NLRC5: variants seen among roughly 807,000 people sequenced by gnomAD.
NLRC5 encodes the protein NLR family CARD domain containing 5.
Under a neutral mutation model 206.9 loss-of-function variants are expected in NLRC5, and 114 were observed. The observed-to-expected ratio is 0.55, with a 90% CI of 0.47 to 0.64. The LOEUF (loss-of-function observed/expected upper bound fraction) is 0.64, where lower values mean the gene tolerates loss of function less well. Ranked by LOEUF, NLRC5 falls within the 30% of genes least tolerant of loss-of-function variation. The pLI, the probability that NLRC5 is intolerant of heterozygous loss-of-function variation, is 0.00. For synonymous variants in NLRC5, 952 were observed against 962.8 expected (o/e 0.99, Z 0.21); for missense variants, 2,008 against 2,305.5 (o/e 0.87, Z 2.64).
At chr16:57,035,987 G>T (rs1353567389) in intron 13 of NLRC5, 113 bp from the exon 14 acceptor site, 3 of 958,008 alleles carry the variant, frequency 3.1e-6, no homozygotes, top group Non-Finnish European at 4.9e-6. Flanking sequence ...TTATTATCAA[G>T]GTTCATTCCT....
At chr16:56,992,178 C>T (rs1196589694) in intron 1 of NLRC5, 1 of 152,148 alleles carries the variant, frequency 6.6e-6, no homozygotes, top group Non-Finnish European at 1.5e-5. Flanking sequence ...GGAGCCCGGC[C>T]CTGACCACAC....
chr16:57,008,177 C>T (rs1195931009), intron 1 of NLRC5, among the ~76,000 whole-genome samples: 1 of 151,830 alleles, frequency 6.6e-6, no homozygotes, highest in Non-Finnish European at 1.5e-5. Flanking sequence ...TATTTGAGTC[C>T]AGGAGTTCAA....
At chr16:57,001,296 G>T (rs368774149) in intron 1 of NLRC5, among the ~76,000 whole-genome samples, 1 of 152,182 alleles carries the variant, frequency 6.6e-6, no homozygotes, top group Non-Finnish European at 1.5e-5. Context: ...CATGACTGGG[G>T]TGCCTGGCTA....
intron 15 of NLRC5, among the ~76,000 whole-genome samples, chr16:57,037,881 G>A (rs934514328): frequency 6.6e-6 from 1 of 152,060 alleles, no homozygotes; most frequent in Non-Finnish European, 1.5e-5. Context: ...AACCCAGTAG[G>A]GTGGTCCCTG....
intron 36 of NLRC5, 59 bp from the exon 37 acceptor site, chr16:57,069,777 A>C: frequency 1.4e-6 from 2 of 1,411,390 alleles, no homozygotes; most frequent in South Asian, 1.2e-5. Flanking sequence ...ACCAGCATTC[A>C]GAGCTCCCAA....
chr16:57,006,413 C>CTTTTTTT (rs58713490), intron 1 of NLRC5, among the ~76,000 whole-genome samples: 1,887 of 90,640 alleles, frequency 0.021, 140 homozygotes, highest in Non-Finnish European at 0.024. Flanking sequence ...TCTTCATCCT[C>CTTTTTTT]TTTTTTTTTT....
Position 57,039,410 on chromosome 16 carries a change from T to G in NLRC5, c.2802-371T>G, listed in dbSNP as rs144219724. On this transcript the variant is annotated intron_variant, in intron 15 of 48. Coordinates refer to ENST00000688547, the MANE Select transcript of NLRC5 (RefSeq NM_001384950.1). ...AGGCAGGGGGATGGAACTTGAGAGG[T>G]CCTCCCGGGCCAGGGGTAAAAAGTG... Among the ~76,000 whole-genome samples the G allele has an allele frequency of 3.9e-3, 588 of 151,914 alleles. 11 individuals carry two copies. Among genetic ancestry groups the G allele is most frequent in the Admixed American group, 0.036 (551 of 15,266 alleles).
chr16:57,078,719 C>T (rs762552964), intron 43 of NLRC5, among the ~76,000 whole-genome samples: 1 of 152,126 alleles, frequency 6.6e-6, no homozygotes, highest in Non-Finnish European at 1.5e-5. Context: ...GATCCACCCA[C>T]CTCAGCCTCC....
At chr16:57,046,506 C>T (rs770365118) in intron 21 of NLRC5, 46 bp from the exon 22 acceptor site, 31 of 1,541,044 alleles carry the variant, frequency 2.0e-5, no homozygotes, top group Middle Eastern at 1.7e-4. Flanking sequence ...GCTGGGAGTC[C>T]GAGGGGGTGA....
chr16:57,059,475 C>G lies in NLRC5; in HGVS notation c.3929C>G (p.Ser1310Cys), dbSNP rs1269066231. The change falls in exon 30 of 49, where the codon TCT becomes TGT. Residue 1310 changes from serine to cysteine, a missense_variant. Physicochemically the swap from Ser to Cys is moderately radical, Grantham distance 112 (BLOSUM62 -1). Transcript: ENST00000688547. ...RVREASVNLG[S>C]EQSFRIHFSR... ...GGCCCTTCTCTCTGCAGCCTGGGCTCTGAGCAGAGCTTCCGGATTCACTTC... is the reference window on the plus strand; with the variant it reads ...GGCCCTTCTCTCTGCAGCCTGGGCTGTGAGCAGAGCTTCCGGATTCACTTC... 1 of 1,609,576 alleles carries G rather than the reference C, an allele frequency of 6.2e-7. No homozygotes were observed. Among genetic ancestry groups the G allele is most frequent in the Admixed American group, 1.7e-5 (1 of 59,438 alleles).
intron 37 of NLRC5, 88 bp from the exon 38 acceptor site, chr16:57,070,447 C>A: frequency 8.5e-7 from 1 of 1,175,244 alleles, no homozygotes; most frequent in Non-Finnish European, 1.3e-6. Flanking sequence ...TCCCAGGGGA[C>A]AGAGCAGGAG....
At chr16:57,033,209 A>G (rs2062083257) in intron 11 of NLRC5, among the ~76,000 whole-genome samples, 1 of 152,220 alleles carries the variant, frequency 6.6e-6, no homozygotes, top group South Asian at 2.1e-4. Context: ...CATCATCGAC[A>G]ATAGCAGCTT....
intron 1 of NLRC5, among the ~76,000 whole-genome samples, chr16:57,001,551 G>A (rs576309095): frequency 1.4e-4 from 22 of 152,276 alleles, no homozygotes; most frequent in Middle Eastern, 3.4e-3. Context: ...CGATAGCAAC[G>A]ACAACCACAC....
At position 57,025,698 on chromosome 16, in the gene NLRC5, G is replaced by A; in HGVS notation, c.755G>A (p.Cys252Tyr). The change falls in exon 6 of 49, where the codon TGT becomes TAT. Residue 252 changes from cysteine (C) to tyrosine (Y), a missense_variant. Coordinates refer to ENST00000688547, the MANE Select transcript of NLRC5 (RefSeq NM_001384950.1). ...CQKWAEGHLN[C>Y]FQALFLFEFR... ...AAGTGGGCAGAGGGCCATCTGAACT[G>A]TTTCCAGGCCCTGTTCCTTTTTGAA... 3 of 1,614,218 alleles carry A rather than the reference G, an allele frequency of 1.9e-6. No homozygotes were observed. Among genetic ancestry groups the A allele is most frequent in the South Asian group, 2.2e-5 (2 of 91,092 alleles).
rs1567624171 is a variant in NLRC5, at chr16:57,061,404, C to G, written c.3987-44C>G. 2.5e-6 allele frequency: 4 copies of G among 1,577,816 alleles called. No individual in the cohort carries two copies. In the South Asian group the frequency reaches 3.3e-5, roughly 13 times the overall value. On this transcript the variant is annotated intron_variant, in intron 30 of 48. Transcript: ENST00000688547. ...GCTGAGATGAAGCTGAGCAGCAGTG[C>G]CCACAGGCCTCACCCAGGCTCTGCC... is the stretch of plus-strand genomic sequence containing the variant.
At chr16:57,051,253 T>C (rs756412356) in intron 23 of NLRC5, among the ~76,000 whole-genome samples, 6 of 152,238 alleles carry the variant, frequency 3.9e-5, no homozygotes, top group Non-Finnish European at 8.8e-5. Flanking sequence ...GGGAAAAGTC[T>C]GCTGTAGCTC....
chr16:57,066,118 A>G (rs1296455739), intron 33 of NLRC5, among the ~76,000 whole-genome samples: 1 of 152,088 alleles, frequency 6.6e-6, no homozygotes, highest in Non-Finnish European at 1.5e-5. Flanking sequence ...TGGTCTGAAA[A>G]GGCTTATCAA....
intron 23 of NLRC5, chr16:57,048,486 T>C (rs2064318928): frequency 6.6e-6 from 1 of 152,330 alleles, no homozygotes; most frequent in East Asian, 1.9e-4. Flanking sequence ...CCTTCCCATG[T>C]CCTTCTCCAG....
chr16:57,045,766 C>T (rs1597338577), intron 21 of NLRC5, among the ~76,000 whole-genome samples: 2 of 152,314 alleles, frequency 1.3e-5, no homozygotes, highest in South Asian at 2.1e-4. Flanking sequence ...GGCAGGTGCC[C>T]GCAGATTGCT....
Sources: allele counts gnomAD v4.1 joint callset (sites outside exome capture counted in the v4.1 genomes callset), GRCh38; gene constraint gnomAD v4.1.1; transcripts MANE v1.5; gene names NCBI Gene and HGNC (gene_info 2026-07-23, HGNC 2026-07-21).